ZNF774: variants seen among roughly 807,000 people sequenced by gnomAD.
The protein encoded by ZNF774 is zinc finger protein 774.
In ZNF774, 14 loss-of-function variants were observed where a neutral mutation model predicts 11.1. That is an observed-to-expected ratio of 1.26 (90% confidence interval 0.83 to 1.97). The LOEUF (loss-of-function observed/expected upper bound fraction) is 1.97, where lower values mean the gene tolerates loss of function less well. ZNF774 is among the 30% of genes most tolerant of loss of function. The pLI, the probability that ZNF774 is intolerant of heterozygous loss-of-function variation, is 0.00. For synonymous variants in ZNF774, 195 were observed against 212.6 expected (o/e 0.92, Z 0.72); for missense variants, 599 against 587.0 (o/e 1.02, Z -0.21).
At chr15:90,357,252 A>AT (rs1219870709) in intron 2 of ZNF774, among the ~76,000 whole-genome samples, 1 of 150,462 alleles carries the variant, frequency 6.6e-6, no homozygotes, top group East Asian at 2.0e-4. Context: ...CATGTCTATA[A>AT]TCCCAGCATT....
Position 90,354,632 on chromosome 15 carries a change from C to T in ZNF774, c.-19-10C>T. 6.4e-7 allele frequency: 1 copy of T among 1,557,340 alleles called. No homozygotes were observed. The highest frequency in any genetic ancestry group is 8.8e-7 in the Non-Finnish European group (1 of 1,139,270). ...GAGCTACTGATGCACATTGAGGTCT[C>T]TTGCTTTAGGAACTGATGACGCTTG... is the stretch of plus-strand genomic sequence containing the variant. On this transcript the variant is annotated splice_polypyrimidine_tract_variant and intron_variant, in intron 1 of 3. Transcript: ENST00000354377.
In ZNF774 at chr15:90,360,607, G is replaced by A. The variant is rs780306880; in HGVS notation, c.776G>A (p.Gly259Asp). The A allele has an allele frequency of 1.1e-5, 18 of 1,614,042 alleles. No homozygotes were observed. The East Asian group carries it at 4.0e-4, about 36-fold the overall frequency. Reference sequence around the variant, plus strand: ...ATAATGCACCAAAGAACCCACACAGGCGAGAAGCCCTACGCGTGCCTGGAA... The same window carrying A: ...ATAATGCACCAAAGAACCCACACAGACGAGAAGCCCTACGCGTGCCTGGAA... ...HLIMHQRTHT[G>D]EKPYACLECH... Residue 259 changes from glycine (G) to aspartate (D), a missense_variant, in exon 4 of 4, where the codon GGC (glycine) becomes GAC (aspartate). Transcript: ENST00000354377.
rs1441018961 is a variant in ZNF774 at position 90,361,695 on chromosome 15, C to T, written c.*412C>T. On this transcript the variant is annotated 3_prime_UTR_variant, in exon 4 of 4. Coordinates refer to ENST00000354377, the MANE Select transcript of ZNF774 (RefSeq NM_001004309.3). ...GGCATGGTGGCACGTGCCTGTAGTC[C>T]CAGCTACTCGGGAGGCCGAGGCAGA... 2 of 192,096 alleles carry T rather than the reference C, an allele frequency of 1.0e-5. No homozygotes were observed. The highest frequency in any genetic ancestry group is 4.7e-5 in the African/African-American group (2 of 42,120). The allele number at this position is 192,096 out of a possible 1,614,324, so 11.9% of individuals were successfully genotyped here.
rs1441759911 is a variant in ZNF774, at chr15:90,361,819, A to C, written c.*536A>C. On this transcript the variant is annotated 3_prime_UTR_variant, in exon 4 of 4. Coordinates refer to ENST00000354377, the MANE Select transcript of ZNF774 (RefSeq NM_001004309.3). ...AGAGAGAGACTCTGTCTCCAAAAAAATTAAAAAGTTGATGCCTAGTTACTA... is the reference window on the plus strand; with the variant it reads ...AGAGAGAGACTCTGTCTCCAAAAAACTTAAAAAGTTGATGCCTAGTTACTA... The C allele has an allele frequency of 1.9e-5, 3 of 154,320 alleles. No individual in the cohort carries two copies. Among genetic ancestry groups the C allele is most frequent in the African/African-American group, 7.2e-5 (3 of 41,460 alleles). The allele number at this position is 154,320 out of a possible 1,614,324, so 9.6% of individuals were successfully genotyped here.
In ZNF774 at chr15:90,362,747, A is replaced by C; in HGVS notation, c.*1464A>C. On this transcript the variant is annotated 3_prime_UTR_variant, in exon 4 of 4. Transcript: ENST00000354377. ...ACAAGGTTGTTGTGAGGATCTAAAA[A>C]TACACACACACACACACACACACAC... is the stretch of plus-strand genomic sequence containing the variant. 1.7e-6 allele frequency: 1 copy of C among 575,472 alleles called. No individual in the cohort carries two copies. Among genetic ancestry groups the C allele is most frequent in the Admixed American group, 2.8e-5 (1 of 36,280 alleles). 35.6% of individuals were successfully genotyped at this position (575,472 alleles called of 1,614,324 possible).
chr15:90,357,043 G>C (rs1741006483), intron 2 of ZNF774, among the ~76,000 whole-genome samples: 1 of 149,490 alleles, frequency 6.7e-6, no homozygotes, highest in Non-Finnish European at 1.5e-5. Context: ...CATTTTCTTA[G>C]AATTCTCAGA....
At chr15:90,357,986 C>T (rs1315913188) in intron 2 of ZNF774, among the ~76,000 whole-genome samples, 3 of 151,402 alleles carry the variant, frequency 2.0e-5, no homozygotes, top group Non-Finnish European at 2.9e-5. Flanking sequence ...ACCTCTGCCT[C>T]CTGGGTTCAA....
chr15:90,360,945 G>T lies in ZNF774; in HGVS notation c.1114G>T (p.Glu372Ter). ...CACGCACCAAAGAACACACACAGGT[G>T]AGAGACCTTTTAAGTGCGAAAACTG... Reference protein sequence around the residue: ...LVTHQRTHTGERPFKCENCGK... With the variant: ...LVTHQRTHTG Residue 372 changes from glutamate to a stop codon, truncating the protein, a stop_gained, in exon 4 of 4, where the codon GAG (glutamate) becomes TAG (stop). Transcript: ENST00000354377. LOFTEE classifies it low-confidence loss of function (END_TRUNC). The T allele has an allele frequency of 1.2e-6, 2 of 1,614,182 alleles. No individual in the cohort carries two copies. Among genetic ancestry groups the T allele is most frequent in the Non-Finnish European group, 1.7e-6 (2 of 1,180,040 alleles).
rs1332236256 is a variant in ZNF774 at position 90,358,953 on chromosome 15, C to G, written c.207C>G (p.His69Gln). The G allele has an allele frequency of 6.2e-7, 1 of 1,612,092 alleles. No homozygotes were observed. ...CGAGGAAGATCCCGAGGGAAAGCCA[C>G]ACAGGTGAGATGTGAGTGCTCCCCA... ...FEARKIPRESHTDCEHQVAKL... is the reference protein window; with the variant it reads ...FEARKIPRESQTDCEHQVAKL... Residue 69 changes from histidine to glutamine, a missense_variant, in exon 3 of 4, where the codon CAC (histidine) becomes CAG (glutamine). Coordinates refer to ENST00000354377, the MANE Select transcript of ZNF774 (RefSeq NM_001004309.3).
At chr15:90,359,114 G>T (rs547057122) in intron 3 of ZNF774, among the ~76,000 whole-genome samples, 157 bp downstream of exon 3, 1 of 143,742 alleles carries the variant, frequency 7.0e-6, no homozygotes, top group African/African-American at 2.6e-5. Flanking sequence ...CGCCCAGGCC[G>T]GACTGCGGAC....
chr15:90,355,302 T>TTA, intron 2 of ZNF774: 1 of 456,144 alleles, frequency 2.2e-6, no homozygotes, highest in Non-Finnish European at 4.4e-6. Flanking sequence ...GTCCTTTTAA[T>TTA]ATCTCATCAT....
In ZNF774 at chr15:90,361,271, C is replaced by G. The variant is rs767146920; in HGVS notation, c.1440C>G (p.Thr480=). The change falls in exon 4 of 4, where the codon ACC becomes ACG. Residue 480 remains threonine, a synonymous_variant. Transcript: ENST00000354377. The stretch of plus-strand genomic sequence containing the variant: ...CGCATCTTTTATGCCATCAAAACAC[C>G]CATTTGATTTAGGAAGTAGTCTTTG... ...QKAHLLCHQN[T]HLI 9 of 1,600,924 alleles carry G rather than the reference C, an allele frequency of 5.6e-6. No homozygotes were observed. The highest frequency in any genetic ancestry group is 7.7e-6 in the Non-Finnish European group (9 of 1,172,472).
Position 90,358,975 on chromosome 15 carries a change from C to T in ZNF774, c.211+18C>T. Reference sequence around the variant, plus strand: ...CCACACAGGTGAGATGTGAGTGCTCCCCAGTGGAAGGAAATCTAGCATTTC... The same window carrying T: ...CCACACAGGTGAGATGTGAGTGCTCTCCAGTGGAAGGAAATCTAGCATTTC... On this transcript the variant is annotated intron_variant, in intron 3 of 3. Transcript: ENST00000354377. 1 of 1,589,800 alleles carries T rather than the reference C, an allele frequency of 6.3e-7. No individual in the cohort carries two copies. The highest frequency in any genetic ancestry group is 1.7e-4 in the Middle Eastern group (1 of 6,018).
chr15:90,358,699 T>C (rs1964280566), intron 2 of ZNF774, 152 bp from the exon 3 acceptor site: 4 of 494,060 alleles, frequency 8.1e-6, no homozygotes, highest in African/African-American at 2.0e-5. Flanking sequence ...GTTTTATCAC[T>C]GTACCATGGC....
At chr15:90,358,990 T>G in intron 3 of ZNF774, 33 bp downstream of exon 3, 3 of 1,545,908 alleles carry the variant, frequency 1.9e-6, no homozygotes, top group Non-Finnish European at 2.7e-6. Flanking sequence ...TGGAAGGAAA[T>G]CTAGCATTTC....
At position 90,354,776 on chromosome 15, in the gene ZNF774, A is replaced by C; in HGVS notation, c.104+12A>C. 6.3e-7 allele frequency: 1 copy of C among 1,583,940 alleles called. No individual in the cohort carries two copies. The highest frequency in any genetic ancestry group is 2.2e-5 in the East Asian group (1 of 44,624). On this transcript the variant is annotated intron_variant, in intron 2 of 3. Coordinates refer to ENST00000354377, the MANE Select transcript of ZNF774 (RefSeq NM_001004309.3). ...TGGGCTCTCAAAGGGTAAGAATGCT[A>C]CTCTCCTTTATTTCATTTATTTATC...
At chr15:90,355,467 G>A in intron 2 of ZNF774, 3 of 455,924 alleles carry the variant, frequency 6.6e-6, no homozygotes, top group South Asian at 1.5e-5. Flanking sequence ...GCTCACGCCT[G>A]TAATCCCAGC....
At chr15:90,355,956 A>G (rs2151681300) in intron 2 of ZNF774, among the ~76,000 whole-genome samples, 1 of 144,542 alleles carries the variant, frequency 6.9e-6, no homozygotes, top group African/African-American at 2.6e-5. Context: ...GTGAACTGGG[A>G]GGCGGAGCTT....
rs757302993 is a variant in ZNF774 at position 90,360,968 on chromosome 15, CTG to C, written c.1140_1141del (p.Cys380TrpfsTer12). 1.9e-6 allele frequency: 3 copies of C among 1,614,204 alleles called. No individual in the cohort carries two copies. Among genetic ancestry groups the C allele is most frequent in the Non-Finnish European group, 2.5e-6 (3 of 1,180,038 alleles). On this transcript the variant is annotated frameshift_variant, in exon 4 of 4. Coordinates refer to ENST00000354377, the MANE Select transcript of ZNF774 (RefSeq NM_001004309.3). LOFTEE classifies it low-confidence loss of function (END_TRUNC). ...TGERPFKCENCGKGFADSSAL... is the reference protein window; with the variant it reads ...TGERPFKCENXGKGFADSSAL... ...GTGAGAGACCTTTTAAGTGCGAAAACTGTGGGAAAGGATTCGCCGACAGCTCC... is the reference window on the plus strand; with the variant it reads ...GTGAGAGACCTTTTAAGTGCGAAAACTGGGAAAGGATTCGCCGACAGCTCC...
Sources: allele counts gnomAD v4.1 joint callset (sites outside exome capture counted in the v4.1 genomes callset), GRCh38; gene constraint gnomAD v4.1.1; transcripts MANE v1.5; gene names NCBI Gene and HGNC (gene_info 2026-07-23, HGNC 2026-07-21).